The following SIRT6 variants were observed in gnomAD, a reference collection of about 807,000 sequenced individuals.
SIRT6 encodes the protein NAD-dependent protein deacylase sirtuin-6.
Under a neutral mutation model 33.6 loss-of-function variants are expected in SIRT6, and 21 were observed. The ratio of observed to expected loss-of-function variants is 0.62; its 90% CI spans 0.44 to 0.90. The LOEUF is 0.90. Among genes scored for constraint, SIRT6 ranks in the 40% least tolerant of loss-of-function variants. SIRT6 has a pLI of 0.00. For synonymous variants in SIRT6, 221 were observed against 223.9 expected (o/e 0.99, Z 0.12); for missense variants, 504 against 510.6 (o/e 0.99, Z 0.12).
intron 3 of SIRT6, 22 bp downstream of exon 3, chr19:4,179,082 G>A: frequency 1.2e-6 from 2 of 1,609,346 alleles, no homozygotes; most frequent in Admixed American, 1.7e-5. Flanking sequence ...GCTCTTTTGT[G>A]GGGGCGGGGC....
intron 6 of SIRT6, 166 bp downstream of exon 6, chr19:4,175,514 T>G (rs886383532): frequency 1.5e-6 from 1 of 652,208 alleles, no homozygotes; most frequent in Non-Finnish European, 2.6e-6. Flanking sequence ...AGGTGACGAG[T>G]GTGTGTGAGT....
Position 4,180,130 on chromosome 19 carries a change from A to C in SIRT6, c.194+652T>G, listed in dbSNP as rs1182112973. Among the ~76,000 whole-genome samples, 3 of 99,794 alleles carry C rather than the reference A, an allele frequency of 3.0e-5. No homozygotes were observed. In the Admixed American group the frequency reaches 5.0e-4, roughly 16 times the overall value. 65.5% of individuals were successfully genotyped at this position (99,794 alleles called of 152,430 possible). ...TTTTTTTTTTTTTTTTTTGAGATGG[A>C]GTCTGGCTCTGTTGCCCAGGCTGGA... On this transcript the variant is annotated intron_variant, in intron 2 of 7. Coordinates refer to ENST00000337491, the MANE Select transcript of SIRT6 (RefSeq NM_016539.4).
At chr19:4,175,968 C>G in intron 4 of SIRT6, 31 bp from the exon 5 acceptor site, 1 of 1,539,040 alleles carries the variant, frequency 6.5e-7, no homozygotes, top group Non-Finnish European at 8.8e-7. Context: ...GAGGATGGGA[C>G]CAGGTGAGCT....
intron 2 of SIRT6, among the ~76,000 whole-genome samples, chr19:4,179,872 A>T (rs1967523565): frequency 6.6e-6 from 1 of 152,140 alleles, no homozygotes; most frequent in South Asian, 2.1e-4. Flanking sequence ...GGGTAAACAA[A>T]GGCCTGGGTG....
intron 4 of SIRT6, among the ~76,000 whole-genome samples, chr19:4,176,399 G>A (rs1967307312): frequency 6.6e-6 from 1 of 152,184 alleles, no homozygotes; most frequent in African/African-American, 2.4e-5. Flanking sequence ...CACCAGCCTG[G>A]CCAATATGGT....
chr19:4,181,008 G>A, intron 1 of SIRT6, 99 bp from the exon 2 acceptor site: 3 of 1,447,250 alleles, frequency 2.1e-6, no homozygotes, highest in African/African-American at 2.9e-5. Context: ...CTTGCCTGAG[G>A]GAGGAAAATG....
chr19:4,175,043 C>T lies in SIRT6; in HGVS notation c.723G>A (p.Leu241=), dbSNP rs1462282911. The T allele has an allele frequency of 6.3e-7, 1 of 1,592,540 alleles. No individual in the cohort carries two copies. The highest frequency in any genetic ancestry group is 1.7e-5 in the Admixed American group (1 of 57,188). The change falls in exon 7 of 8, where the codon CTG becomes CTA. Residue 241 remains leucine, a synonymous_variant. Coordinates refer to ENST00000337491, the MANE Select transcript of SIRT6 (RefSeq NM_016539.4). Reference sequence around the variant, plus strand: ...AGACACCTACGTGCTTGGTGGGCTGCAGGTTGACGATGACCAGGCGGCCTC... The same window carrying T: ...AGACACCTACGTGCTTGGTGGGCTGTAGGTTGACGATGACCAGGCGGCCTC... The part of the protein sequence containing the change: ...RRGGRLVIVN[L]QPTKHDRHAD...
Position 4,174,909 on chromosome 19 carries a change from T to C in SIRT6, c.776A>G (p.Asp259Gly), listed in dbSNP as rs992258104. 1 of 1,604,946 alleles carries C rather than the reference T, an allele frequency of 6.2e-7. No homozygotes were observed. Among genetic ancestry groups the C allele is most frequent in the Non-Finnish European group, 8.5e-7 (1 of 1,179,732 alleles). Residue 259 changes from aspartate (D) to glycine (G), a missense_variant, in exon 8 of 8, where the codon GAC (aspartate) becomes GGC (glycine). Transcript: ENST00000337491. This position sits in a 1 kb window ranked among gnomAD's most constrained non-coding sequence, Gnocchi z 4.2. The stretch of plus-strand genomic sequence containing the variant: ...CTTCATGAGCCGGGTCATGACCTCG[T>C]CAACGTAGCCATGGATGCGGAGGTC... ...HADLRIHGYV[D>G]EVMTRLMKHL...
chr19:4,180,976 C>G, intron 1 of SIRT6, 67 bp from the exon 2 acceptor site: 1 of 1,536,302 alleles, frequency 6.5e-7, no homozygotes, highest in African/African-American at 1.4e-5. Context: ...CACGCACGAG[C>G]CACAGACTGA....
At position 4,179,293 on chromosome 19, in the gene SIRT6, G is replaced by A. The variant is rs200958577; in HGVS notation, c.195-7C>T. ...CCAGACTCCGTGGGGACCCCTGAAG[G>A]TGGCAGGCCGGGAGAGATGGACGGG... On this transcript the variant is annotated splice_region_variant and splice_polypyrimidine_tract_variant and intron_variant, in intron 2 of 7. Transcript: ENST00000337491. 2.5e-6 allele frequency: 4 copies of A among 1,590,892 alleles called. No homozygotes were observed. The highest frequency in any genetic ancestry group is 3.4e-6 in the Non-Finnish European group (4 of 1,168,326).
In SIRT6 at chr19:4,175,856, C is replaced by A. The variant is rs142857915; in HGVS notation, c.519G>T (p.Gly173=). Residue 173 remains glycine (G), a synonymous_variant, in exon 5 of 8, where the codon GGG becomes GGT. Coordinates refer to ENST00000337491, the MANE Select transcript of SIRT6 (RefSeq NM_016539.4). ...GGGTGGCTCACCTGCAGGCTCGCAG[C>A]CCCCTTGCCTTAGCCACGGTGCAGA... ...GRLCTVAKAR[G]LRACRGELRD... 5.8e-6 allele frequency: 9 copies of A among 1,561,340 alleles called. No homozygotes were observed. The African/African-American group carries it at 1.2e-4, about 21-fold the overall frequency.
chr19:4,177,747 C>G (rs948647591), intron 3 of SIRT6, among the ~76,000 whole-genome samples: 1 of 151,950 alleles, frequency 6.6e-6, no homozygotes, highest in Admixed American at 6.6e-5. Flanking sequence ...CCCGCCACCA[C>G]GCCGGGCTAA....
chr19:4,182,557 G>A lies in SIRT6; in HGVS notation c.-18C>T, dbSNP rs1175394559. The A allele has an allele frequency of 1.2e-6, 2 of 1,605,868 alleles. No homozygotes were observed. The highest frequency in any genetic ancestry group is 2.3e-5 in the East Asian group (1 of 43,738). On this transcript the variant is annotated 5_prime_UTR_variant, in exon 1 of 8. Transcript: ENST00000337491. ...ACCGACATCCTCGACTGCCCCACGG[G>A]AACAATAAAGTTTCCCTTGTTGAGG...
Position 4,174,892 on chromosome 19 carries a change from G to A in SIRT6, c.793C>T (p.Leu265Phe), listed in dbSNP as rs1242370702. 3 of 1,603,094 alleles carry A rather than the reference G, an allele frequency of 1.9e-6. No individual in the cohort carries two copies. The highest frequency in any genetic ancestry group is 2.7e-5 in the African/African-American group (2 of 74,888). ...ATCTCCAGCCCCAGGTGCTTCATGA[G>A]CCGGGTCATGACCTCGTCAACGTAG... The part of the protein sequence containing the change: ...HGYVDEVMTR[L>F]MKHLGLEIPA... The change falls in exon 8 of 8, where the codon CTC (leucine) becomes TTC (phenylalanine). Residue 265 changes from leucine to phenylalanine, a missense_variant. Transcript: ENST00000337491. This position sits in a 1 kb window ranked among gnomAD's most constrained non-coding sequence, Gnocchi z 4.2.
rs1363062858 is a variant in SIRT6 at position 4,175,837 on chromosome 19, C to T, written c.533+5G>A. On this transcript the variant is annotated splice_donor_5th_base_variant and intron_variant, in intron 5 of 7. Coordinates refer to ENST00000337491, the MANE Select transcript of SIRT6 (RefSeq NM_016539.4). ...GAGCCCAGGGCATGGGTGGGGGTGG[C>T]TCACCTGCAGGCTCGCAGCCCCCTT... is the stretch of plus-strand genomic sequence containing the variant. 2.6e-6 allele frequency: 4 copies of T among 1,556,744 alleles called. No homozygotes were observed. The highest frequency in any genetic ancestry group is 3.5e-6 in the Non-Finnish European group (4 of 1,150,340).
intron 3 of SIRT6, among the ~76,000 whole-genome samples, chr19:4,178,269 C>A (rs1426244895): frequency 6.6e-6 from 1 of 151,932 alleles, no homozygotes; most frequent in Non-Finnish European, 1.5e-5. Context: ...TCGTGATCCG[C>A]CTGCCTCGGC....
rs200464456 is a variant in SIRT6 at position 4,174,478 on chromosome 19, C to T, written c.*139G>A. 4 of 747,708 alleles carry T rather than the reference C, an allele frequency of 5.3e-6. No individual in the cohort carries two copies. The African/African-American group carries it at 7.4e-5, about 14-fold the overall frequency. The allele number at this position is 747,708 out of a possible 1,614,324, so 46.3% of individuals were successfully genotyped here. A position where few individuals can be genotyped will look rare whatever the true frequency, so the allele number is the denominator to read the frequency against. ...GAGCCCAGGGAGGGACCACGGAGGGCAGGTGTAACCCCTGGCCTGGAGCAC... is the reference window on the plus strand; with the variant it reads ...GAGCCCAGGGAGGGACCACGGAGGGTAGGTGTAACCCCTGGCCTGGAGCAC... On this transcript the variant is annotated 3_prime_UTR_variant, in exon 8 of 8. Coordinates refer to ENST00000337491, the MANE Select transcript of SIRT6 (RefSeq NM_016539.4). This position sits in a 1 kb window ranked among gnomAD's most constrained non-coding sequence, Gnocchi z 4.2.
Position 4,175,108 on chromosome 19 carries a change from G to A in SIRT6, c.658C>T (p.Arg220Trp), listed in dbSNP as rs760718513. Residue 220 changes from arginine to tryptophan, a missense_variant, in exon 7 of 8, where the codon CGG becomes TGG. Transcript: ENST00000337491. ...SITLGTSLQI[R>W]PSGNLPLATK... ...GCCAGCGGCAGGTTCCCGCTGGGCC[G>A]GATCTGCAGCGATGTACCCAGCGTG... 5.0e-6 allele frequency: 8 copies of A among 1,589,254 alleles called. No individual in the cohort carries two copies. The highest frequency in any genetic ancestry group is 1.3e-5 in the African/African-American group (1 of 74,540).
Position 4,174,431 on chromosome 19 carries a change from G to A in SIRT6, c.*186C>T, listed in dbSNP as rs200268944. The A allele has an allele frequency of 4.3e-5, 21 of 487,328 alleles. No individual in the cohort carries two copies. The highest frequency in any genetic ancestry group is 1.1e-4 in the South Asian group (2 of 18,974). 30.2% of individuals were successfully genotyped at this position (487,328 alleles called of 1,614,324 possible). On this transcript the variant is annotated 3_prime_UTR_variant, in exon 8 of 8. Coordinates refer to ENST00000337491, the MANE Select transcript of SIRT6 (RefSeq NM_016539.4). This position sits in a 1 kb window ranked among gnomAD's most constrained non-coding sequence, Gnocchi z 4.2. ...CACCTCTGGGGTGTGGCTTCTTCCCGGAACCGCACCAGAGGCCCCTGGAGC... is the reference window on the plus strand; with the variant it reads ...CACCTCTGGGGTGTGGCTTCTTCCCAGAACCGCACCAGAGGCCCCTGGAGC...
Sources: gnomAD v4.1 joint callset for allele counts (sites outside exome capture counted in the v4.1 genomes callset) on GRCh38, gnomAD v4.1.1 for gene constraint, Gnocchi (gnomAD v3.1) non-coding constraint, MANE v1.5 for transcripts, NCBI Gene and HGNC (gene_info 2026-07-23, HGNC 2026-07-21) for gene names.